The following CDC42EP3 variants were observed in gnomAD, a reference collection of about 807,000 sequenced individuals.
The protein encoded by CDC42EP3 is CDC42 effector protein (Rho GTPase binding) 3.
A neutral mutation model predicts 15.5 loss-of-function variants in CDC42EP3; 4 were observed. The ratio of observed to expected loss-of-function variants is 0.26; its 90% confidence interval spans 0.13 to 0.59. The LOEUF is 0.59. Ranked by LOEUF, CDC42EP3 falls within the 20% of genes least tolerant of loss-of-function variation. The probability of loss-of-function intolerance (pLI) is 0.89; values close to 1 mark genes in which losing one functional copy is unlikely to be tolerated. For synonymous variants in CDC42EP3, 145 were observed against 130.3 expected (o/e 1.11, Z -0.77); for missense variants, 309 against 311.2 (o/e 0.99, Z 0.05).
chr2:37,656,042 C>A (rs767027584), intron 1 of CDC42EP3, among the ~76,000 whole-genome samples: 1 of 152,226 alleles, frequency 6.6e-6, no homozygotes, highest in Non-Finnish European at 1.5e-5. Context: ...CTTTAGGCCA[C>A]ATTCTCAAGT....
chr2:37,661,063 T>C (rs1399019233), intron 1 of CDC42EP3, among the ~76,000 whole-genome samples: 2 of 152,070 alleles, frequency 1.3e-5, no homozygotes, highest in Non-Finnish European at 2.9e-5. Flanking sequence ...TAGGGAGTAG[T>C]ATGTATGTAT....
Position 37,644,887 on chromosome 2 carries a change from A to C in CDC42EP3, c.*936T>G, listed in dbSNP as rs532311840. 1 of 148,536 alleles carries C rather than the reference A, an allele frequency of 6.7e-6. No homozygotes were observed. The highest frequency in any genetic ancestry group is 2.2e-4 in the South Asian group (1 of 4,584). The allele number at this position is 148,536 out of a possible 1,614,324, so 9.2% of individuals were successfully genotyped here. A position where few individuals can be genotyped will look rare whatever the true frequency, so the allele number is the denominator to read the frequency against. ...GTTGCTTGAAGTACCTATGTAATGC[A>C]AGTATGTACTGTACTAAAATACCTA... On this transcript the variant is annotated 3_prime_UTR_variant, in exon 2 of 2. Coordinates refer to ENST00000295324, the MANE Select transcript of CDC42EP3 (RefSeq NM_006449.5).
intron 1 of CDC42EP3, among the ~76,000 whole-genome samples, chr2:37,647,991 C>A (rs887000008): frequency 6.6e-6 from 1 of 152,198 alleles, no homozygotes; most frequent in Admixed American, 6.5e-5. Context: ...GATTCCTGAC[C>A]CACAGAACCT....
At chr2:37,648,496 C>G (rs748255533) in intron 1 of CDC42EP3, among the ~76,000 whole-genome samples, 4 of 152,232 alleles carry the variant, frequency 2.6e-5, no homozygotes, top group African/African-American at 7.2e-5. Context: ...ATTTGGGAAG[C>G]AGCTAGCTCA....
Position 37,654,121 on chromosome 2 carries a change from G to C in CDC42EP3, c.-235-7299C>G, listed in dbSNP as rs567065658. On this transcript the variant is annotated intron_variant, in intron 1 of 1. Transcript: ENST00000295324. ...AGTCCTAGGGGAGGATGATGACTCG[G>C]CCAAGTACCCTCCGCCGCCTCCCTA... Among the ~76,000 whole-genome samples the C allele has an allele frequency of 2.6e-4, 40 of 152,272 alleles. 1 individual carries two copies. The South Asian group carries it at 7.7e-3, about 29-fold the overall frequency.
At chr2:37,647,229 C>T (rs1572506008) in intron 1 of CDC42EP3, among the ~76,000 whole-genome samples, 4 of 152,258 alleles carry the variant, frequency 2.6e-5, no homozygotes, top group Admixed American at 2.0e-4. Flanking sequence ...TCCATATGTA[C>T]ATAAGTTAAT....
Position 37,645,990 on chromosome 2 carries a change from G to T in CDC42EP3, c.598C>A (p.Pro200Thr), listed in dbSNP as rs1234378455. 2.5e-6 allele frequency: 4 copies of T among 1,613,838 alleles called. No individual in the cohort carries two copies. The African/African-American group carries it at 5.3e-5, about 22-fold the overall frequency. The change falls in exon 2 of 2, where the codon CCA (proline) becomes ACA (threonine). Residue 200 changes from proline to threonine, a missense_variant. Pro to Thr is a conservative substitution (Grantham distance 38, BLOSUM62 -1). Coordinates refer to ENST00000295324, the MANE Select transcript of CDC42EP3 (RefSeq NM_006449.5). ...SSLSEQYPDW[P>T]AEDMFDHPTP... is the part of the protein sequence containing the mutation. ...GGATGGTCAAACATGTCCTCGGCTG[G>T]CCAGTCGGGGTACTGTTCGGACAGG...
chr2:37,662,893 G>A (rs1336926977), intron 1 of CDC42EP3, among the ~76,000 whole-genome samples: 2 of 152,194 alleles, frequency 1.3e-5, no homozygotes, highest in East Asian at 3.9e-4. Context: ...AGTCAGGTGC[G>A]GTGGCTCACA....
At chr2:37,672,064 T>A (rs1256109147), upstream of CDC42EP3, 2 of 152,166 alleles carry the variant, frequency 1.3e-5, no homozygotes, top group Non-Finnish European at 2.9e-5. Context: ...CGCCCACCTC[T>A]CCCGATCCCA....
At chr2:37,656,593 G>A (rs1215160771) in intron 1 of CDC42EP3, among the ~76,000 whole-genome samples, 2 of 152,220 alleles carry the variant, frequency 1.3e-5, no homozygotes, top group Non-Finnish European at 2.9e-5. Flanking sequence ...AATGCTCAGA[G>A]CATACCTCTT....
chr2:37,663,896 C>T (rs77756936), intron 1 of CDC42EP3, among the ~76,000 whole-genome samples: 3,493 of 152,024 alleles, frequency 0.023, 215 homozygotes, highest in East Asian at 0.21. Context: ...CAGAGGAGGC[C>T]GGGCGCGGTG....
At chr2:37,659,300 C>T (rs1052170580) in intron 1 of CDC42EP3, among the ~76,000 whole-genome samples, 1 of 152,220 alleles carries the variant, frequency 6.6e-6, no homozygotes, top group Non-Finnish European at 1.5e-5. Flanking sequence ...ATCTATGATT[C>T]TTACAGAAGA....
chr2:37,651,784 T>C (rs560282385), intron 1 of CDC42EP3, among the ~76,000 whole-genome samples: 1 of 152,148 alleles, frequency 6.6e-6, no homozygotes, highest in African/African-American at 2.4e-5. Context: ...GGACAGCAAC[T>C]TGTGCAAGGG....
In CDC42EP3 at chr2:37,643,212, G is replaced by A. The variant is rs1449584421; in HGVS notation, c.*2611C>T. 1.3e-5 allele frequency: 2 copies of A among 152,166 alleles called. No individual in the cohort carries two copies. 9.4% of individuals were successfully genotyped at this position (152,166 alleles called of 1,614,324 possible). On this transcript the variant is annotated 3_prime_UTR_variant, in exon 2 of 2. Transcript: ENST00000295324. ...TAAAGTGGGAGAAGGTTCACAGGAT[G>A]AGAACATCAATTCAGCTCACAGCAG...
At chr2:37,669,327 A>G (rs1666336753) in intron 1 of CDC42EP3, among the ~76,000 whole-genome samples, 1 of 152,172 alleles carries the variant, frequency 6.6e-6, no homozygotes, top group Admixed American at 6.5e-5. Flanking sequence ...TACATGAAAA[A>G]AGCACAGCTT....
intron 1 of CDC42EP3, among the ~76,000 whole-genome samples, chr2:37,669,655 G>C (rs1358634338): frequency 6.6e-6 from 1 of 152,208 alleles, no homozygotes; most frequent in African/African-American, 2.4e-5. Context: ...AATTCATCAT[G>C]TAAATCTCTA....
chr2:37,651,847 A>T (rs1381914091), intron 1 of CDC42EP3, among the ~76,000 whole-genome samples: 5 of 152,160 alleles, frequency 3.3e-5, no homozygotes, highest in African/African-American at 1.2e-4. Context: ...CCTATATGCC[A>T]TGACTTGAAA....
At chr2:37,650,790 G>A (rs1665648051) in intron 1 of CDC42EP3, among the ~76,000 whole-genome samples, 1 of 152,234 alleles carries the variant, frequency 6.6e-6, no homozygotes, top group Non-Finnish European at 1.5e-5. Context: ...CTGGGCTGAT[G>A]AGGATGGGAA....
chr2:37,665,035 C>T (rs1257033298), intron 1 of CDC42EP3, among the ~76,000 whole-genome samples: 1 of 152,058 alleles, frequency 6.6e-6, no homozygotes, highest in East Asian at 1.9e-4. Flanking sequence ...CCGTAACAAA[C>T]CTGCACATGT....
Sources: allele counts gnomAD v4.1 joint callset (sites outside exome capture counted in the v4.1 genomes callset), GRCh38; gene constraint gnomAD v4.1.1; transcripts MANE v1.5; gene names NCBI Gene and HGNC (gene_info 2026-07-23, HGNC 2026-07-21).